Variants in TYR observed in about 807,000 individuals in gnomAD.
The protein encoded by TYR is tyrosinase, also known as LB24-AB.
Under a neutral mutation model 51.5 loss-of-function variants are expected in TYR, and 58 were observed. The observed-to-expected ratio is 1.13, with a 90% CI of 0.91 to 1.40. TYR has a LOEUF of 1.40. Among genes scored for constraint, TYR ranks in the 40% most tolerant of loss-of-function variants. The pLI is 0.00. For synonymous variants in TYR, 263 were observed against 235.2 expected (o/e 1.12, Z -1.08); for missense variants, 732 against 647.4 (o/e 1.13, Z -1.42).
chr11:89,288,389 C>A (rs1443772571), intron 4 of TYR, among the ~76,000 whole-genome samples: 1 of 151,922 alleles, frequency 6.6e-6, no homozygotes, highest in East Asian at 1.9e-4. Flanking sequence ...CCCTTTAACC[C>A]CTACATTGTC....
chr11:89,185,390 C>A (rs2135247863), intron 1 of TYR, among the ~76,000 whole-genome samples: 1 of 152,232 alleles, frequency 6.6e-6, no homozygotes, highest in African/African-American at 2.4e-5. Flanking sequence ...GCACTCAACA[C>A]ATACTTTTTG....
chr11:89,214,063 A>G (rs1943798709), intron 2 of TYR, among the ~76,000 whole-genome samples: 1 of 152,254 alleles, frequency 6.6e-6, no homozygotes, highest in African/African-American at 2.4e-5. Flanking sequence ...AAGCAATGGC[A>G]ACAAAAGCCA....
chr11:89,216,874 G>T (rs1943839384), intron 2 of TYR, among the ~76,000 whole-genome samples: 1 of 152,028 alleles, frequency 6.6e-6, no homozygotes, highest in Non-Finnish European at 1.5e-5. Context: ...TTTCTTTAAA[G>T]GAATTATTTA....
At chr11:89,257,147 G>A (rs1369496164) in intron 3 of TYR, among the ~76,000 whole-genome samples, 1 of 151,818 alleles carries the variant, frequency 6.6e-6, no homozygotes, top group Non-Finnish European at 1.5e-5. Context: ...TGTCTATCAG[G>A]GGTTCAACTA....
intron 4 of TYR, 64 bp downstream of exon 4, chr11:89,285,018 C>A: frequency 7.1e-7 from 1 of 1,413,078 alleles, no homozygotes; most frequent in Non-Finnish European, 1.0e-6. Context: ...TTTGAGATAA[C>A]ACAAAACTTT....
chr11:89,274,322 T>C (rs1356382852), intron 3 of TYR, among the ~76,000 whole-genome samples: 1 of 151,944 alleles, frequency 6.6e-6, no homozygotes, highest in Non-Finnish European at 1.5e-5. Context: ...AAAATTTGCC[T>C]ATGTCTATAC....
intron 2 of TYR, among the ~76,000 whole-genome samples, chr11:89,203,210 G>A (rs572728102): frequency 3.9e-5 from 6 of 152,172 alleles, no homozygotes; most frequent in South Asian, 4.2e-4. Flanking sequence ...TTGATTTTAC[G>A]GATAGGGAAC....
intron 3 of TYR, among the ~76,000 whole-genome samples, chr11:89,229,963 A>T (rs2135283424): frequency 6.6e-6 from 1 of 152,216 alleles, no homozygotes; most frequent in South Asian, 2.1e-4. Context: ...AAATTACTAT[A>T]CTACCCAAAG....
intron 3 of TYR, among the ~76,000 whole-genome samples, chr11:89,255,849 A>C (rs1267524966): frequency 6.6e-6 from 1 of 151,556 alleles, no homozygotes; most frequent in Non-Finnish European, 1.5e-5. Flanking sequence ...TTTTTTTAAG[A>C]GGCAGCTTTA....
chr11:89,262,652 AAG>A (rs1944471634), intron 3 of TYR, among the ~76,000 whole-genome samples: 1 of 148,848 alleles, frequency 6.7e-6, no homozygotes, highest in African/African-American at 2.5e-5. Flanking sequence ...TCAGGAATGA[AAG>A]AGGGGACATT....
intron 4 of TYR, among the ~76,000 whole-genome samples, chr11:89,287,151 C>T (rs1944798478): frequency 6.6e-6 from 1 of 151,710 alleles, no homozygotes; most frequent in African/African-American, 2.4e-5. Context: ...CTTCCCCAAA[C>T]CCCCAAGATC....
At chr11:89,198,769 A>ATATATATATATATAT (rs951676764) in intron 2 of TYR, among the ~76,000 whole-genome samples, 18 of 151,088 alleles carry the variant, frequency 1.2e-4, no homozygotes, top group African/African-American at 4.4e-4. Flanking sequence ...ATATATATAT[A>ATATATATATATATAT]TTTTTATACT....
chr11:89,289,414 A>T (rs572711780), intron 4 of TYR, among the ~76,000 whole-genome samples: 42 of 152,130 alleles, frequency 2.8e-4, no homozygotes, highest in African/African-American at 7.0e-4. Context: ...TTATATGCTC[A>T]GAGTCTAATT....
At chr11:89,242,192 T>A (rs1944205655) in intron 3 of TYR, among the ~76,000 whole-genome samples, 1 of 152,034 alleles carries the variant, frequency 6.6e-6, no homozygotes, top group South Asian at 2.1e-4. Context: ...AACTTTGTTT[T>A]TTGGGTTATC....
intron 4 of TYR, among the ~76,000 whole-genome samples, chr11:89,292,951 T>C (rs1181714370): frequency 6.6e-6 from 1 of 151,924 alleles, no homozygotes; most frequent in Non-Finnish European, 1.5e-5. Flanking sequence ...TCGTTAAATG[T>C]CCATTAAATT....
chr11:89,200,898 C>T (rs1943589096), intron 2 of TYR, among the ~76,000 whole-genome samples: 1 of 152,140 alleles, frequency 6.6e-6, no homozygotes, highest in Non-Finnish European at 1.5e-5. Context: ...AGTTTAATTA[C>T]ACTGTCAAAT....
chr11:89,184,934 C>T (rs1943350272), intron 1 of TYR, among the ~76,000 whole-genome samples: 1 of 152,224 alleles, frequency 6.6e-6, no homozygotes, highest in East Asian at 1.9e-4. Context: ...GGGGGGACTG[C>T]CCATTCAATT....
chr11:89,213,173 T>C (rs1018254095), intron 2 of TYR, among the ~76,000 whole-genome samples: 1 of 152,194 alleles, frequency 6.6e-6, no homozygotes, highest in Non-Finnish European at 1.5e-5. Context: ...GATATGATTG[T>C]ATATTTAGAA....
At chr11:89,258,715 C>G (rs1251078054) in intron 3 of TYR, among the ~76,000 whole-genome samples, 1 of 152,024 alleles carries the variant, frequency 6.6e-6, no homozygotes, top group African/African-American at 2.4e-5. Flanking sequence ...TGTAAATAGG[C>G]ACTGGCCTGT....
Sources: allele counts gnomAD v4.1 joint callset (sites outside exome capture counted in the v4.1 genomes callset), GRCh38; gene constraint gnomAD v4.1.1; transcripts MANE v1.5; gene names NCBI Gene and HGNC (gene_info 2026-07-23, HGNC 2026-07-21).